Variants in PDE4B observed in about 807,000 individuals in gnomAD.
The protein encoded by PDE4B is phosphodiesterase 4B, also known as 3',5'-cyclic-AMP phosphodiesterase 4B.
In PDE4B, 20 loss-of-function variants were observed where a neutral mutation model predicts 82.2. That is an observed-to-expected ratio of 0.24 (90% confidence interval 0.17 to 0.35). The LOEUF is 0.35. Ranked by LOEUF, PDE4B falls within the 10% of genes least tolerant of loss-of-function variation. PDE4B has a pLI of 1.00. For synonymous variants in PDE4B, 320 were observed against 318.9 expected, an observed-to-expected ratio of 1.00 and a Z score of -0.04; for missense variants, 655 against 907.2, an observed-to-expected ratio of 0.72 and a Z score of 3.57.
intron 7 of PDE4B, among the ~76,000 whole-genome samples, chr1:66,306,356 G>A (rs1190820655): frequency 6.6e-6 from 1 of 152,108 alleles, no homozygotes; most frequent in Non-Finnish European, 1.5e-5. Context: ...GTAAAAACAT[G>A]GAGACCAGTA....
chr1:66,368,772 A>C lies in PDE4B; in HGVS notation c.1663-15A>C. The C allele has an allele frequency of 1.3e-6, 2 of 1,497,508 alleles. No individual in the cohort carries two copies. Among genetic ancestry groups the C allele is most frequent in the Admixed American group, 2.1e-5 (1 of 48,046 alleles). 92.8% of individuals were successfully genotyped at this position (1,497,508 alleles called of 1,614,324 possible). On this transcript the variant is annotated splice_polypyrimidine_tract_variant and intron_variant, in intron 15 of 16. Coordinates refer to ENST00000341517, the MANE Select transcript of PDE4B (RefSeq NM_002600.4). The stretch of plus-strand genomic sequence containing the variant: ...CACCTAATTTTATGAGATTTCCAAA[A>C]CTTGATGATTTCAGGTCCTTCGCAA...
At chr1:65,998,304 A>T (rs61799584) in intron 3 of PDE4B, among the ~76,000 whole-genome samples, 5,087 of 152,152 alleles carry the variant, frequency 0.033, 118 homozygotes, top group South Asian at 0.058. Context: ...GTTTCAGCCT[A>T]AGGATGCAAG....
At position 66,175,632 on chromosome 1, in the gene PDE4B, C is replaced by T. The variant is rs547260131; in HGVS notation, c.282-71828C>T. ...TTTGGGCACCGTGGACATTTTTCTTCTCTTGAGATGTGAGCCTTAGCACGT... is the reference window on the plus strand; with the variant it reads ...TTTGGGCACCGTGGACATTTTTCTTTTCTTGAGATGTGAGCCTTAGCACGT... On this transcript the variant is annotated intron_variant, in intron 3 of 16. Coordinates refer to ENST00000341517, the MANE Select transcript of PDE4B (RefSeq NM_002600.4). Among the ~76,000 whole-genome samples, 7 of 152,260 alleles carry T rather than the reference C, an allele frequency of 4.6e-5. No homozygotes were observed. In the East Asian group the frequency reaches 1.2e-3, roughly 25 times the overall value.
At chr1:66,273,010 T>C (rs1655622767) in intron 7 of PDE4B, among the ~76,000 whole-genome samples, 1 of 152,014 alleles carries the variant, frequency 6.6e-6, no homozygotes, top group Non-Finnish European at 1.5e-5. Context: ...CAAGATGGTC[T>C]CAATCTCTTG....
chr1:65,921,263 C>T (rs543845144), intron 3 of PDE4B, among the ~76,000 whole-genome samples: 34 of 152,124 alleles, frequency 2.2e-4, no homozygotes, highest in South Asian at 4.1e-4. Flanking sequence ...CCACCGCGCC[C>T]GGCCCTAAAA....
At position 66,117,551 on chromosome 1, in the gene PDE4B, G is replaced by GT. The variant is rs937390767; in HGVS notation, c.282-129899dup. 1.4e-3 allele frequency among the ~76,000 whole-genome samples: 214 copies of GT among 149,814 alleles called. 1 individual carries two copies. The highest frequency in any genetic ancestry group is 4.7e-3 in the African/African-American group (191 of 40,870). ...AGAAACAGACACAGATTTTACCTAG[G>GT]TTTTTTTTTTCTAAGTTTCCAGGGC... On this transcript the variant is annotated intron_variant, in intron 3 of 16. Transcript: ENST00000341517.
intron 3 of PDE4B, among the ~76,000 whole-genome samples, chr1:66,034,098 T>G (rs1396316293): frequency 6.6e-6 from 1 of 152,212 alleles, no homozygotes; most frequent in Non-Finnish European, 1.5e-5. Context: ...TTCCTAATCT[T>G]CCTCCTTACC....
At chr1:65,896,913 G>A (rs116434530) in intron 1 of PDE4B, among the ~76,000 whole-genome samples, 2,079 of 152,150 alleles carry the variant, frequency 0.014, 58 homozygotes, top group African/African-American at 0.048. Context: ...GTTATGTAAG[G>A]TATTGTTATT....
At position 66,187,066 on chromosome 1, in the gene PDE4B, C is replaced by T. The variant is rs189841732; in HGVS notation, c.282-60394C>T. 5.5e-4 allele frequency among the ~76,000 whole-genome samples: 84 copies of T among 152,244 alleles called. No individual in the cohort carries two copies. The Middle Eastern group carries it at 0.02, about 37-fold the overall frequency. On this transcript the variant is annotated intron_variant, in intron 3 of 16. Coordinates refer to ENST00000341517, the MANE Select transcript of PDE4B (RefSeq NM_002600.4). ...GAAGGTTGTTGAATTTTGTCAAAGG[C>T]CTTTTCTGCATCTGTTGAGATAATC... is the stretch of plus-strand genomic sequence containing the variant.
At chr1:66,246,631 G>T (rs755806894) in intron 3 of PDE4B, among the ~76,000 whole-genome samples, 2 of 152,200 alleles carry the variant, frequency 1.3e-5, no homozygotes, top group Non-Finnish European at 2.9e-5. Flanking sequence ...TACCAGGAGC[G>T]TGGATACAGA....
At chr1:66,250,274 A>C (rs562372921) in intron 4 of PDE4B, among the ~76,000 whole-genome samples, 1 of 152,188 alleles carries the variant, frequency 6.6e-6, no homozygotes, top group East Asian at 1.9e-4. Flanking sequence ...TGTGAAGGCC[A>C]CTGGGTGGGG....
intron 1 of PDE4B, among the ~76,000 whole-genome samples, chr1:65,813,532 A>G (rs976295037): frequency 3.3e-5 from 5 of 152,136 alleles, no homozygotes; most frequent in Non-Finnish European, 4.4e-5. Flanking sequence ...TTAGAAGTGA[A>G]CAATATAGAG....
chr1:65,944,670 T>A (rs1648611485), intron 3 of PDE4B, among the ~76,000 whole-genome samples: 1 of 151,952 alleles, frequency 6.6e-6, no homozygotes, highest in Admixed American at 6.6e-5. Context: ...TGACCAGCCC[T>A]GACCATACAA....
chr1:65,841,518 T>G (rs1571001841), intron 1 of PDE4B, among the ~76,000 whole-genome samples: 1 of 152,218 alleles, frequency 6.6e-6, no homozygotes, highest in South Asian at 2.1e-4. Context: ...AACTAGGGAT[T>G]TCTCCATCTT....
At chr1:66,187,566 G>A (rs1156551548) in intron 3 of PDE4B, among the ~76,000 whole-genome samples, 2 of 152,258 alleles carry the variant, frequency 1.3e-5, no homozygotes, top group South Asian at 2.1e-4. Flanking sequence ...TCTTGGGAGG[G>A]CATATGTGTC....
At position 66,081,094 on chromosome 1, in the gene PDE4B, C is replaced by T. The variant is rs989100309; in HGVS notation, c.281+162259C>T. 5.7e-4 allele frequency among the ~76,000 whole-genome samples: 86 copies of T among 152,168 alleles called. 1 individual carries two copies. Among genetic ancestry groups the T allele is most frequent in the Non-Finnish European group, 2.8e-4 (19 of 68,020 alleles). ...CATTTTTTGTGGTCTGACTTACTCACGGCTACTGCATCTTTTACAAAGCTT... is the reference window on the plus strand; with the variant it reads ...CATTTTTTGTGGTCTGACTTACTCATGGCTACTGCATCTTTTACAAAGCTT... On this transcript the variant is annotated intron_variant, in intron 3 of 16. Transcript: ENST00000341517.
chr1:66,039,873 T>C (rs1654272380), intron 3 of PDE4B, among the ~76,000 whole-genome samples: 1 of 150,788 alleles, frequency 6.6e-6, no homozygotes, highest in African/African-American at 2.4e-5. Context: ...TGTAGTTGTA[T>C]ATAGGCATAA....
intron 1 of PDE4B, among the ~76,000 whole-genome samples, chr1:65,844,666 A>C (rs1467374686): frequency 6.6e-6 from 1 of 152,176 alleles, no homozygotes; most frequent in African/African-American, 2.4e-5. Context: ...AAAACCAAAA[A>C]GGCTGCTGTC....
chr1:65,930,343 C>T (rs1212896028), intron 3 of PDE4B, among the ~76,000 whole-genome samples: 1 of 152,226 alleles, frequency 6.6e-6, no homozygotes, highest in Non-Finnish European at 1.5e-5. Context: ...TCCTTCAGTT[C>T]AATCAAGTTG....
Sources: gnomAD v4.1 joint callset for allele counts (sites outside exome capture counted in the v4.1 genomes callset) on GRCh38, gnomAD v4.1.1 for gene constraint, MANE v1.5 for transcripts, NCBI Gene and HGNC (gene_info 2026-07-23, HGNC 2026-07-21) for gene names.